Variants in TRPM1 observed in about 807,000 individuals in gnomAD.
TRPM1 encodes transient receptor potential cation channel subfamily M member 1, also known as TRPM1-203 APA Isoform, Intron 10.
Under a neutral mutation model 149.4 loss-of-function variants are expected in TRPM1, and 113 were observed. The ratio of observed to expected loss-of-function variants is 0.76; its 90% CI spans 0.65 to 0.88. The LOEUF (loss-of-function observed/expected upper bound fraction) is 0.88. TRPM1 is among the 40% of genes least tolerant of loss of function. The pLI, the probability that TRPM1 is intolerant of heterozygous loss-of-function variation, is 0.00. For missense variants in TRPM1, 1,976 were observed against 2,038.7 expected (o/e 0.97, Z 0.59); for synonymous variants, 741 against 759.5 (o/e 0.98, Z 0.40).
At position 31,049,507 on chromosome 15, in the gene TRPM1, C is replaced by T. The variant is rs781202049; in HGVS notation, c.1440G>A (p.Val480=). The T allele has an allele frequency of 4.3e-6, 7 of 1,613,818 alleles. No individual in the cohort carries two copies. The East Asian group carries it at 1.3e-4, about 31-fold the overall frequency. Residue 480 remains valine (V), a splice_region_variant and synonymous_variant, in exon 13 of 28, where the codon GTG becomes GTA. Transcript: ENST00000256552. ...CTAGCATCGCTTGCTCCAAAGCATT[C>T]ACCTGCAGGGACCAAGGGCCGGGAG... The part of the protein sequence containing the change: ...DPRKIELLNW[V]NALEQAMLDA...
At chr15:31,148,191 G>C (rs184088796) in intron 1 of TRPM1, among the ~76,000 whole-genome samples, 26 of 152,314 alleles carry the variant, frequency 1.7e-4, no homozygotes, top group Admixed American at 3.9e-4. Context: ...CTAACAAAGG[G>C]ACAAAACCAA....
intron 1 of TRPM1, among the ~76,000 whole-genome samples, chr15:31,135,756 C>T (rs901670481): frequency 3.3e-5 from 5 of 152,060 alleles, no homozygotes; most frequent in African/African-American, 1.2e-4. Context: ...CCTGGCACCT[C>T]TCTCCTTTAC....
At chr15:31,108,338 G>A (rs893260401) in intron 1 of TRPM1, among the ~76,000 whole-genome samples, 2 of 152,140 alleles carry the variant, frequency 1.3e-5, no homozygotes, top group African/African-American at 2.4e-5. Flanking sequence ...GTTGGGTGTA[G>A]TATACTCTTA....
At chr15:31,088,541 A>G (rs2035077380) in intron 1 of TRPM1, among the ~76,000 whole-genome samples, 1 of 152,220 alleles carries the variant, frequency 6.6e-6, no homozygotes, top group Non-Finnish European at 1.5e-5. Context: ...AAGAGCTGTA[A>G]CACTTGCTGC....
Position 31,075,019 on chromosome 15 carries a change from T to G in TRPM1, c.83+1886A>C, listed in dbSNP as rs566523112. Among the ~76,000 whole-genome samples, 12 of 152,330 alleles carry G rather than the reference T, an allele frequency of 7.9e-5. No individual in the cohort carries two copies. The South Asian group carries it at 2.5e-3, about 32-fold the overall frequency. ...ATTGGTTTCTTATTTCTAATTTTAT[T>G]ACATTGTGGTTGGAGGACAGTTTGT... is the stretch of plus-strand genomic sequence containing the variant. On this transcript the variant is annotated intron_variant, in intron 3 of 27. Transcript: ENST00000256552.
At chr15:31,158,868 T>C (rs2036410821) in intron 1 of TRPM1, among the ~76,000 whole-genome samples, 3 of 152,180 alleles carry the variant, frequency 2.0e-5, no homozygotes, top group Non-Finnish European at 4.4e-5. Flanking sequence ...AATCCCTTTG[T>C]TCTCCAGATA....
At chr15:31,085,028 G>T (rs964779768) in intron 1 of TRPM1, among the ~76,000 whole-genome samples, 6 of 151,882 alleles carry the variant, frequency 4.0e-5, no homozygotes, top group Admixed American at 6.6e-5. Context: ...AATATGGCTA[G>T]GAAAAAAGGA....
intron 3 of TRPM1, among the ~76,000 whole-genome samples, chr15:31,075,458 G>C (rs1417314095): frequency 6.6e-6 from 1 of 152,272 alleles, no homozygotes; most frequent in East Asian, 1.9e-4. Flanking sequence ...TTGCTTTAAA[G>C]TATGTTTTGT....
intron 20 of TRPM1, among the ~76,000 whole-genome samples, chr15:31,036,210 CTG>C (rs2033362362): frequency 6.6e-6 from 1 of 152,054 alleles, no homozygotes; most frequent in African/African-American, 2.4e-5. Flanking sequence ...GCCCCTATCT[CTG>C]TGGCAGGGAA....
intron 1 of TRPM1, among the ~76,000 whole-genome samples, chr15:31,088,260 G>A (rs1449071039): frequency 6.6e-6 from 1 of 152,232 alleles, no homozygotes; most frequent in East Asian, 1.9e-4. Context: ...CAATCAGCAG[G>A]ATGTGGGTGG....
chr15:31,068,612 C>T (rs993887759), intron 4 of TRPM1, among the ~76,000 whole-genome samples: 4 of 151,848 alleles, frequency 2.6e-5, no homozygotes, highest in South Asian at 2.1e-4. Flanking sequence ...GGTGTGGTAG[C>T]GCATACCTGT....
chr15:31,096,634 G>A (rs2035391983), intron 1 of TRPM1, among the ~76,000 whole-genome samples: 1 of 152,252 alleles, frequency 6.6e-6, no homozygotes, highest in Non-Finnish European at 1.5e-5. Flanking sequence ...AGGCTAGGCA[G>A]GTGCAGCCAG....
rs549518004 is a variant in TRPM1, at chr15:31,002,287, G to A, written c.4413C>T (p.Val1471=). Residue 1471 remains valine (V), a synonymous_variant, in exon 28 of 28, where the codon GTC becomes GTT. Transcript: ENST00000256552. ...ACTCTACATCCTGGTTAACCCCACCGACCAGCTTTCTTCCCCGGGAATAGA... is the reference window on the plus strand; with the variant it reads ...ACTCTACATCCTGGTTAACCCCACCAACCAGCTTTCTTCCCCGGGAATAGA... ...SFVYSRGRKL[V]GGVNQDVEYS... 5.0e-6 allele frequency: 8 copies of A among 1,614,158 alleles called. No individual in the cohort carries two copies. The highest frequency in any genetic ancestry group is 1.6e-4 in the Middle Eastern group (1 of 6,062).
intron 1 of TRPM1, among the ~76,000 whole-genome samples, chr15:31,125,169 C>T (rs1321701465): frequency 2.7e-5 from 4 of 147,218 alleles, no homozygotes; most frequent in Non-Finnish European, 6.0e-5. Flanking sequence ...CAGAGCGAGA[C>T]TGTGTCTCAA....
chr15:31,058,098 A>G (rs2034130936), intron 11 of TRPM1, among the ~76,000 whole-genome samples: 1 of 152,184 alleles, frequency 6.6e-6, no homozygotes. Context: ...ATAAGCCTCA[A>G]CATTAGCAGT....
At chr15:31,114,516 C>T (rs2035771594) in intron 1 of TRPM1, among the ~76,000 whole-genome samples, 1 of 152,184 alleles carries the variant, frequency 6.6e-6, no homozygotes, top group Non-Finnish European at 1.5e-5. Context: ...CAAAGAAATA[C>T]ACATCTAGTC....
rs2034282722 is a variant in TRPM1 at position 31,063,222 on chromosome 15, C to A, written c.861G>T (p.Leu287Phe). 1 of 1,614,066 alleles carries A rather than the reference C, an allele frequency of 6.2e-7. No homozygotes were observed. Among genetic ancestry groups the A allele is most frequent in the Non-Finnish European group, 8.5e-7 (1 of 1,180,038 alleles). Residue 287 changes from leucine (L) to phenylalanine (F), a missense_variant, in exon 8 of 28, where the codon TTG (leucine) becomes TTT (phenylalanine). Leu to Phe is a conservative substitution (Grantham distance 22). This residue lies in a region of TRPM1 where 1,332 missense variants were observed against 1,347.1 expected (regional missense o/e 0.99). Transcript: ENST00000256552. ...EGGPNVVSIV[L>F]EYLQEEPPIP... ...TGGGAGGCTCTTCTTGCAGGTATTCCAAGACGATGGACACCACGTTAGGGC... is the reference window on the plus strand; with the variant it reads ...TGGGAGGCTCTTCTTGCAGGTATTCAAAGACGATGGACACCACGTTAGGGC...
chr15:31,160,607 G>T (rs1231595331), intron 1 of TRPM1, among the ~76,000 whole-genome samples: 4 of 152,244 alleles, frequency 2.6e-5, no homozygotes, highest in African/African-American at 9.6e-5. Context: ...CGCAACTGCT[G>T]ACTCTGGAAT....
intron 1 of TRPM1, among the ~76,000 whole-genome samples, chr15:31,141,022 G>A (rs986177572): frequency 6.6e-6 from 1 of 151,556 alleles, no homozygotes; most frequent in African/African-American, 2.4e-5. Flanking sequence ...AGTAGAGACG[G>A]GGTTTCACCA....
Sources: gnomAD v4.1 joint callset for allele counts (sites outside exome capture counted in the v4.1 genomes callset) on GRCh38, gnomAD v4.1.1 for gene constraint, gnomAD v4.1.1 regional missense constraint, MANE v1.5 for transcripts, NCBI Gene and HGNC (gene_info 2026-07-23, HGNC 2026-07-21) for gene names.